UGT1A9: variants seen among roughly 807,000 people sequenced by gnomAD.
UGT1A9 encodes the protein UDP-glucuronosyltransferase 1A9.
In UGT1A9, 35 loss-of-function variants were observed where a neutral mutation model predicts 45.0. The ratio of observed to expected loss-of-function variants is 0.78; its 90% CI spans 0.59 to 1.03. The LOEUF (loss-of-function observed/expected upper bound fraction) is 1.03. Among genes scored for constraint, UGT1A9 ranks in the 50% least tolerant of loss-of-function variants. The probability of loss-of-function intolerance (pLI) is 0.00; values close to 1 mark genes in which losing one functional copy is unlikely to be tolerated. For synonymous variants in UGT1A9, 278 were observed against 250.6 expected, an observed-to-expected ratio of 1.11 and a Z score of -1.03; for missense variants, 687 against 666.6, an observed-to-expected ratio of 1.03 and a Z score of -0.34.
intron 1 of UGT1A9, among the ~76,000 whole-genome samples, chr2:233,757,010 A>G (rs1316931838): frequency 1.3e-5 from 2 of 151,932 alleles, no homozygotes; most frequent in African/African-American, 4.8e-5. Flanking sequence ...GGTAGAGTTC[A>G]GTTTGAACAA....
intron 1 of UGT1A9, among the ~76,000 whole-genome samples, chr2:233,674,542 G>T (rs1489051089): frequency 6.6e-6 from 1 of 152,006 alleles, no homozygotes; most frequent in Non-Finnish European, 1.5e-5. Context: ...GGCCTTTAGA[G>T]ATATAAAAAC....
intron 1 of UGT1A9, among the ~76,000 whole-genome samples, chr2:233,749,087 T>C (rs1694105720): frequency 1.3e-5 from 2 of 151,858 alleles, no homozygotes; most frequent in African/African-American, 2.4e-5. Context: ...GTGTGCCATG[T>C]ATTTCATGAG....
chr2:233,750,190 A>G (rs1694385448), intron 1 of UGT1A9, among the ~76,000 whole-genome samples: 1 of 151,894 alleles, frequency 6.6e-6, no homozygotes, highest in African/African-American at 2.4e-5. Context: ...TGTTGTGGAC[A>G]ATGAAGTCCA....
At chr2:233,736,815 C>T (rs924470141) in intron 1 of UGT1A9, among the ~76,000 whole-genome samples, 1 of 152,206 alleles carries the variant, frequency 6.6e-6, no homozygotes, top group African/African-American at 2.4e-5. Context: ...GAGGTCCACT[C>T]CAGATGCTCT....
intron 1 of UGT1A9, among the ~76,000 whole-genome samples, chr2:233,674,389 C>G (rs904545171): frequency 2.0e-5 from 3 of 152,126 alleles, no homozygotes; most frequent in Non-Finnish European, 4.4e-5. Context: ...CTTTACCCTC[C>G]ATAAATTATA....
At chr2:233,701,743 T>C (rs1291418937) in intron 1 of UGT1A9, among the ~76,000 whole-genome samples, 3 of 152,190 alleles carry the variant, frequency 2.0e-5, no homozygotes, top group Non-Finnish European at 2.9e-5. Flanking sequence ...CCTGAATAAC[T>C]ACTGGGTACA....
intron 1 of UGT1A9, among the ~76,000 whole-genome samples, chr2:233,727,137 A>T (rs1221662096): frequency 6.6e-6 from 1 of 152,174 alleles, no homozygotes; most frequent in Non-Finnish European, 1.5e-5. Context: ...GGGGAACAAG[A>T]CCACACAGGT....
chr2:233,678,545 A>T (rs112842934), intron 1 of UGT1A9, among the ~76,000 whole-genome samples: 90 of 152,324 alleles, frequency 5.9e-4, no homozygotes, highest in African/African-American at 2.1e-3. Context: ...ATGTATTTAA[A>T]AATGCTTTTA....
chr2:233,704,405 A>G (rs761303272), intron 1 of UGT1A9, among the ~76,000 whole-genome samples: 1 of 152,010 alleles, frequency 6.6e-6, no homozygotes, highest in Non-Finnish European at 1.5e-5. Context: ...TATCTACTTC[A>G]GATTTATACC....
At chr2:233,672,893 A>G (rs964476952) in intron 1 of UGT1A9, 104 bp downstream of exon 1, 10 of 1,513,218 alleles carry the variant, frequency 6.6e-6, no homozygotes, top group Non-Finnish European at 7.9e-6. Flanking sequence ...GTTTCATTTC[A>G]AATTTCTTTC....
At chr2:233,749,947 C>T (rs1454449200) in intron 1 of UGT1A9, among the ~76,000 whole-genome samples, 4 of 151,812 alleles carry the variant, frequency 2.6e-5, no homozygotes, top group East Asian at 1.9e-4. Context: ...TATGAATTAC[C>T]GAGTCTTGGG....
intron 1 of UGT1A9, among the ~76,000 whole-genome samples, chr2:233,748,894 A>G (rs1694057054): frequency 6.6e-6 from 1 of 151,670 alleles, no homozygotes; most frequent in Non-Finnish European, 1.5e-5. Context: ...CATGTGTCCA[A>G]GAAGGGAAGT....
At chr2:233,710,968 G>A (rs1190110979) in intron 1 of UGT1A9, among the ~76,000 whole-genome samples, 1 of 152,154 alleles carries the variant, frequency 6.6e-6, no homozygotes, top group African/African-American at 2.4e-5. Flanking sequence ...TTGGCAGAGG[G>A]GAATATACAA....
intron 1 of UGT1A9, among the ~76,000 whole-genome samples, chr2:233,744,373 G>A (rs1353064237): frequency 6.6e-6 from 1 of 151,860 alleles, no homozygotes; most frequent in Non-Finnish European, 1.5e-5. Context: ...TAGGACTGCA[G>A]TTCTCCAACG....
intron 1 of UGT1A9, among the ~76,000 whole-genome samples, chr2:233,694,699 C>T (rs1279284041): frequency 6.6e-6 from 1 of 152,312 alleles, no homozygotes; most frequent in East Asian, 1.9e-4. Context: ...CCTTACCTCT[C>T]TTCTTTACAC....
intron 4 of UGT1A9, chr2:233,770,334 G>T (rs1260169235): frequency 6.6e-6 from 1 of 152,106 alleles, no homozygotes; most frequent in East Asian, 1.9e-4. Flanking sequence ...GGCCATAATA[G>T]GTGCTCAATT....
chr2:233,762,985 T>A (rs544731123), intron 1 of UGT1A9, among the ~76,000 whole-genome samples: 2 of 152,238 alleles, frequency 1.3e-5, no homozygotes, highest in Non-Finnish European at 2.9e-5. Flanking sequence ...GCTATTTTAG[T>A]GGAAATTGAT....
At chr2:233,768,117 T>G in intron 3 of UGT1A9, 103 bp from the exon 4 acceptor site, 1 of 1,600,038 alleles carries the variant, frequency 6.2e-7, no homozygotes, top group Non-Finnish European at 8.5e-7. Context: ...TGCAAGGGCA[T>G]GTGAGTAACA....
chr2:233,756,514 G>A (rs1394281486), intron 1 of UGT1A9, among the ~76,000 whole-genome samples: 1 of 152,030 alleles, frequency 6.6e-6, no homozygotes, highest in African/African-American at 2.4e-5. Context: ...AGGGTCAAAT[G>A]TGCATGTTAT....
Sources: allele counts gnomAD v4.1 joint callset (sites outside exome capture counted in the v4.1 genomes callset), GRCh38; gene constraint gnomAD v4.1.1; transcripts MANE v1.5; gene names NCBI Gene and HGNC (gene_info 2026-07-23, HGNC 2026-07-21).